Variants in QTMAN observed in about 807,000 individuals in gnomAD.
QTMAN encodes queuosine-tRNA mannosyltransferase, also known as tRNA-queuosine alpha-mannosyltransferase.
the QTMAN span, among the ~76,000 whole-genome samples, chr2:144,314,315 A>T: frequency 1.3e-5 from 2 of 152,226 alleles, no homozygotes; most frequent in African/African-American, 4.8e-5. Context: ...CTATCATCTC[A>T]TATATATGAA....
the QTMAN span, among the ~76,000 whole-genome samples, chr2:144,313,872 C>T: frequency 1.3e-5 from 2 of 151,130 alleles, no homozygotes; most frequent in African/African-American, 4.9e-5. Context: ...TTGTAAAAAT[C>T]ATTTAGTACA....
At chr2:144,039,127 T>A in the QTMAN span, among the ~76,000 whole-genome samples, 20 of 152,154 alleles carry the variant, frequency 1.3e-4, no homozygotes, top group African/African-American at 4.8e-4. Context: ...TAATAAGCAT[T>A]CCATTAAAAA....
chr2:143,991,400 C>T, the QTMAN span, among the ~76,000 whole-genome samples: 7 of 150,768 alleles, frequency 4.6e-5, no homozygotes, highest in East Asian at 2.0e-4. Context: ...GTCAGCCCCC[C>T]GCCCGGCCAG....
At chr2:144,331,721 G>A in the QTMAN span, among the ~76,000 whole-genome samples, 1 of 152,144 alleles carries the variant, frequency 6.6e-6, no homozygotes, top group African/African-American at 2.4e-5. Context: ...TAAATTCAGA[G>A]AATCTTTCCA....
At chr2:144,233,627 C>T in the QTMAN span, among the ~76,000 whole-genome samples, 2 of 152,138 alleles carry the variant, frequency 1.3e-5, no homozygotes, top group African/African-American at 4.8e-5. Context: ...TTGTGCTAGA[C>T]TCGCTCAATT....
chr2:143,939,825 T>C, the QTMAN span: 2 of 152,198 alleles, frequency 1.3e-5, no homozygotes, highest in Non-Finnish European at 2.9e-5. Flanking sequence ...TGGCTCCTTA[T>C]ACTTCCCTCC....
the QTMAN span, chr2:144,007,184 C>A: frequency 1.3e-6 from 2 of 1,572,652 alleles, no homozygotes; most frequent in Admixed American, 1.8e-5. Context: ...TGACTTACCA[C>A]CTGTGAGGCC....
At chr2:144,193,909 T>C in the QTMAN span, among the ~76,000 whole-genome samples, 2 of 152,250 alleles carry the variant, frequency 1.3e-5, no homozygotes, top group Admixed American at 6.5e-5. Flanking sequence ...AGAATAAAAA[T>C]CTGCAAATAA....
chr2:143,949,045 T>A, the QTMAN span, among the ~76,000 whole-genome samples: 3 of 152,098 alleles, frequency 2.0e-5, no homozygotes, highest in East Asian at 1.9e-4. Context: ...TTAGGTTTTT[T>A]AAAATTATTA....
chr2:144,198,694 T>C, the QTMAN span, among the ~76,000 whole-genome samples: 1 of 152,218 alleles, frequency 6.6e-6, no homozygotes, highest in Non-Finnish European at 1.5e-5. Flanking sequence ...ATTGAGTTTG[T>C]ATCGCACAAA....
chr2:144,215,260 A>AT, the QTMAN span, among the ~76,000 whole-genome samples: 5 of 148,062 alleles, frequency 3.4e-5, no homozygotes, highest in East Asian at 3.9e-4. Flanking sequence ...AAAAAAAAAA[A>AT]AATATATATA....
chr2:144,256,786 G>A, the QTMAN span, among the ~76,000 whole-genome samples: 4 of 151,860 alleles, frequency 2.6e-5, no homozygotes, highest in African/African-American at 7.3e-5. Context: ...CTAGATGACG[G>A]GTTGACAGAT....
the QTMAN span, among the ~76,000 whole-genome samples, chr2:144,218,509 C>T: frequency 6.6e-6 from 1 of 152,142 alleles, no homozygotes; most frequent in African/African-American, 2.4e-5. Flanking sequence ...TTAACTCAGA[C>T]TGAGTTTGTG....
At chr2:144,326,223 T>G in the QTMAN span, among the ~76,000 whole-genome samples, 5,457 of 152,262 alleles carry the variant, frequency 0.036, 306 homozygotes, top group African/African-American at 0.12. Context: ...ATTATATAAC[T>G]TTTCTTCTTA....
chr2:144,085,643 T>C, the QTMAN span, among the ~76,000 whole-genome samples: 4 of 152,066 alleles, frequency 2.6e-5, no homozygotes, highest in Admixed American at 2.6e-4. Flanking sequence ...CCACCAACCA[T>C]TTCATCCAAT....
At chr2:144,263,309 T>C in the QTMAN span, among the ~76,000 whole-genome samples, 1 of 152,272 alleles carries the variant, frequency 6.6e-6, no homozygotes, top group East Asian at 1.9e-4. Flanking sequence ...TGTACACTGA[T>C]ATGGGTGACC....
At chr2:144,139,852 G>A in the QTMAN span, among the ~76,000 whole-genome samples, 35 of 151,914 alleles carry the variant, frequency 2.3e-4, no homozygotes, top group South Asian at 4.4e-3. Flanking sequence ...ATTATATAGC[G>A]CAATGACTAA....
chr2:143,985,226 C>G, the QTMAN span, among the ~76,000 whole-genome samples: 1 of 152,354 alleles, frequency 6.6e-6, no homozygotes, highest in East Asian at 1.9e-4. Flanking sequence ...AGTTCCCACA[C>G]CCCCTGGCTT....
the QTMAN span, among the ~76,000 whole-genome samples, chr2:143,988,574 T>G: frequency 6.6e-6 from 1 of 152,232 alleles, no homozygotes; most frequent in African/African-American, 2.4e-5. Context: ...TCATTTCATC[T>G]TTACAACAAC....
Sources: allele counts gnomAD v4.1 joint callset (sites outside exome capture counted in the v4.1 genomes callset), GRCh38; gene constraint gnomAD v4.1.1; transcripts MANE v1.5; gene names NCBI Gene and HGNC (gene_info 2026-07-23, HGNC 2026-07-21).